Variants in RPL23A observed in about 807,000 individuals in gnomAD.
RPL23A encodes the protein ribosomal protein L23a, also known as large ribosomal subunit protein uL23.
In RPL23A, 2 loss-of-function variants were observed where a neutral mutation model predicts 17.6. The observed-to-expected ratio is 0.11, with a 90% CI of 0.05 to 0.36. The LOEUF (loss-of-function observed/expected upper bound fraction) is 0.36, where lower values mean the gene tolerates loss of function less well. Among genes scored for constraint, RPL23A ranks in the 10% least tolerant of loss-of-function variants. The pLI, the probability that RPL23A is intolerant of heterozygous loss-of-function variation, is 1.00. For missense variants in RPL23A, 132 were observed against 194.4 expected, an observed-to-expected ratio of 0.68 and a Z score of 1.91; for synonymous variants, 65 against 74.3, an observed-to-expected ratio of 0.87 and a Z score of 0.65.
intron 2 of RPL23A, chr17:28,721,860 C>T (rs1383494047): frequency 1.3e-5 from 2 of 152,152 alleles, no homozygotes; most frequent in African/African-American, 2.4e-5. Flanking sequence ...CCAAGCTGGA[C>T]CTAGAATCAA....
At chr17:28,720,968 G>A in intron 2 of RPL23A, 78 bp downstream of exon 2, 1 of 1,300,658 alleles carries the variant, frequency 7.7e-7, no homozygotes, top group Non-Finnish European at 1.1e-6. Flanking sequence ...CACTCTGCGT[G>A]ATGGTTTCTC....
At chr17:28,721,493 C>T (rs991251525) in intron 2 of RPL23A, 4 of 153,274 alleles carry the variant, frequency 2.6e-5, no homozygotes, top group Non-Finnish European at 5.8e-5. Flanking sequence ...CTACTGCTAT[C>T]GGGAACAATC....
At chr17:28,722,108 G>A (rs995579935) in intron 2 of RPL23A, among the ~76,000 whole-genome samples, 2 of 150,890 alleles carry the variant, frequency 1.3e-5, no homozygotes, top group East Asian at 2.0e-4. Flanking sequence ...TTAGCCGGGC[G>A]TGGTGGCAGG....
In RPL23A at chr17:28,722,177, A is replaced by T. The variant is rs1451139125; in HGVS notation, c.210-546A>T. 2.0e-5 allele frequency among the ~76,000 whole-genome samples: 3 copies of T among 148,466 alleles called. No individual in the cohort carries two copies. In the East Asian group the frequency reaches 6.0e-4, roughly 30 times the overall value. On this transcript the variant is annotated intron_variant, in intron 2 of 4. Coordinates refer to ENST00000422514, the MANE Select transcript of RPL23A (RefSeq NM_000984.6). Reference sequence around the variant, plus strand: ...AGCAGGAGAATGGTGTGAACCCAGGAGGCGGAGCTTGCAGCGAGCCGAGAT... The same window carrying T: ...AGCAGGAGAATGGTGTGAACCCAGGTGGCGGAGCTTGCAGCGAGCCGAGAT...
chr17:28,720,551 T>C, intron 1 of RPL23A, 156 bp from the exon 2 acceptor site: 1 of 1,391,238 alleles, frequency 7.2e-7, no homozygotes, highest in African/African-American at 1.4e-5. Flanking sequence ...TCTGGTATCG[T>C]GCATATGATG....
At chr17:28,720,224 T>G in intron 1 of RPL23A, 194 bp downstream of exon 1, 1 of 1,530,184 alleles carries the variant, frequency 6.5e-7, no homozygotes, top group Middle Eastern at 2.1e-4. Context: ...GTAGAGGGAG[T>G]TGGGGGGGGG....
intron 1 of RPL23A, chr17:28,720,387 C>A (rs764618609): frequency 1.3e-6 from 2 of 1,575,648 alleles, no homozygotes; most frequent in South Asian, 1.1e-5. Context: ...TTCAACCGGG[C>A]TACATTACCC....
rs769043395 is a variant in RPL23A at position 28,720,861 on chromosome 17, T to C, written c.180T>C (p.Tyr60=). 2 of 1,614,012 alleles carry C rather than the reference T, an allele frequency of 1.2e-6. No individual in the cohort carries two copies. Among genetic ancestry groups the C allele is most frequent in the Non-Finnish European group, 8.5e-7 (1 of 1,179,962 alleles). Residue 60 remains tyrosine, a synonymous_variant, in exon 2 of 5, where the codon TAT becomes TAC. Coordinates refer to ENST00000422514, the MANE Select transcript of RPL23A (RefSeq NM_000984.6). ...KTLRLRRQPK[Y]PRKSAPRRNK... ...TGCGACTCCGGAGACAGCCCAAATA[T>C]CCTCGGAAGAGCGCTCCCAGGAGAA... is the stretch of plus-strand genomic sequence containing the variant.
intron 1 of RPL23A, chr17:28,720,361 T>C (rs1277760387): frequency 1.9e-6 from 3 of 1,556,042 alleles, no homozygotes; most frequent in East Asian, 4.8e-5. Context: ...TTTAACCATT[T>C]TCCTTCTGGT....
intron 1 of RPL23A, 25 bp downstream of exon 1, chr17:28,720,055 G>T (rs1354000214): frequency 2.6e-6 from 4 of 1,551,134 alleles, no homozygotes; most frequent in Non-Finnish European, 3.5e-6. Context: ...TGGGGCCGCA[G>T]CTGGTTTACC....
chr17:28,720,521 T>C, intron 1 of RPL23A, 186 bp from the exon 2 acceptor site: 1 of 1,513,106 alleles, frequency 6.6e-7, no homozygotes, highest in Non-Finnish European at 9.2e-7. Flanking sequence ...TGGAGTTACT[T>C]AGAGTTGGTC....
At chr17:28,723,193 G>A (rs2034147323) in intron 3 of RPL23A, 1 of 534,100 alleles carries the variant, frequency 1.9e-6, no homozygotes, top group African/African-American at 1.9e-5. Flanking sequence ...TGTAGGTTTA[G>A]CAGTGTGTGT....
intron 4 of RPL23A, 102 bp from the exon 5 acceptor site, chr17:28,723,765 C>T (rs2034160021): frequency 1.4e-6 from 2 of 1,389,254 alleles, no homozygotes; most frequent in East Asian, 2.3e-5. Flanking sequence ...CTATCCTTGA[C>T]AAACCTTATC....
chr17:28,722,387 C>A (rs2034131244), intron 2 of RPL23A: 1 of 400,678 alleles, frequency 2.5e-6, no homozygotes, highest in Admixed American at 3.3e-5. Flanking sequence ...CCATGTTGGC[C>A]AGGATGGTCA....
chr17:28,722,097 A>G (rs1399325774), intron 2 of RPL23A, among the ~76,000 whole-genome samples: 4 of 151,422 alleles, frequency 2.6e-5, no homozygotes, highest in Non-Finnish European at 2.9e-5. Flanking sequence ...TACAAAAAAA[A>G]TTAGCCGGGC....
chr17:28,722,728 A>C lies in RPL23A; in HGVS notation c.215A>C (p.Asp72Ala). The C allele has an allele frequency of 6.2e-7, 1 of 1,614,094 alleles. No homozygotes were observed. Among genetic ancestry groups the C allele is most frequent in the Non-Finnish European group, 8.5e-7 (1 of 1,179,968 alleles). ...CCCCATTTTGCCTCTCCCAGGCTTG[A>C]CCACTATGCTATCATCAAGTTTCCG... Reference protein sequence around the residue: ...RKSAPRRNKLDHYAIIKFPLT... With the variant: ...RKSAPRRNKLAHYAIIKFPLT... The change falls in exon 3 of 5, where the codon GAC (aspartate) becomes GCC (alanine). Residue 72 changes from aspartate to alanine, a missense_variant. Physicochemically the swap from Asp to Ala is moderately radical, Grantham distance 126. Transcript: ENST00000422514.
At chr17:28,720,414 C>G (rs1031675194) in intron 1 of RPL23A, 4 of 1,601,964 alleles carry the variant, frequency 2.5e-6, no homozygotes, top group Non-Finnish European at 3.4e-6. Context: ...CTCTCCGCAG[C>G]GTGGTTTTGC....
chr17:28,722,375 C>A (rs1162149019), intron 2 of RPL23A: 1 of 374,132 alleles, frequency 2.7e-6, no homozygotes, highest in South Asian at 2.1e-5. Flanking sequence ...GAGGGAGTTT[C>A]ACCATGTTGG....
At chr17:28,721,178 C>T (rs375414978) in intron 2 of RPL23A, 36 of 282,956 alleles carry the variant, frequency 1.3e-4, no homozygotes, top group African/African-American at 7.0e-4. Flanking sequence ...CATGGAGAAA[C>T]CCCGCGTCTA....
Sources: gnomAD v4.1 joint callset for allele counts (sites outside exome capture counted in the v4.1 genomes callset) on GRCh38, gnomAD v4.1.1 for gene constraint, MANE v1.5 for transcripts, NCBI Gene and HGNC (gene_info 2026-07-23, HGNC 2026-07-21) for gene names.